ABHD12: variants seen among roughly 807,000 people sequenced by gnomAD.
ABHD12 encodes the protein abhydrolase domain containing 12, lysophospholipase.
In ABHD12, 43 loss-of-function variants were observed where a neutral mutation model predicts 58.3. The observed-to-expected ratio is 0.74, with a 90% CI of 0.58 to 0.95. The LOEUF (loss-of-function observed/expected upper bound fraction) is 0.95. Among genes scored for constraint, ABHD12 ranks in the 40% least tolerant of loss-of-function variants. ABHD12 has a pLI of 0.00. For synonymous variants in ABHD12, 219 were observed against 211.2 expected (o/e 1.04, Z -0.32); for missense variants, 539 against 537.2 (o/e 1.00, Z -0.03).
intron 2 of ABHD12, among the ~76,000 whole-genome samples, chr20:25,331,376 ACT>A (rs1813815936): frequency 6.6e-6 from 1 of 152,184 alleles, no homozygotes; most frequent in South Asian, 2.1e-4. Flanking sequence ...GTTGGAAAAC[ACT>A]CTGCAGGATA....
chr20:25,381,496 C>T lies in ABHD12; in HGVS notation c.191+9017G>A, dbSNP rs146276687. On this transcript the variant is annotated intron_variant, in intron 1 of 12. Coordinates refer to ENST00000339157, the MANE Select transcript of ABHD12 (RefSeq NM_001042472.3). The stretch of plus-strand genomic sequence containing the variant: ...CTACAAATGCTCTAATACCAACAGA[C>T]ACATTAACTGATCAGGATGGACCCT... Among the ~76,000 whole-genome samples the T allele has an allele frequency of 1.8e-3, 273 of 152,262 alleles. 1 individual carries two copies. Among genetic ancestry groups the T allele is most frequent in the African/African-American group, 6.4e-3 (265 of 41,526 alleles).
At chr20:25,349,937 T>C (rs1286101879) in intron 1 of ABHD12, among the ~76,000 whole-genome samples, 1 of 152,118 alleles carries the variant, frequency 6.6e-6, no homozygotes, top group Non-Finnish European at 1.5e-5. Context: ...AAAAATGAAA[T>C]CTAGGGAACA....
chr20:25,318,914 C>G lies in ABHD12; in HGVS notation c.542+1285G>C, dbSNP rs2089014537. ...GAAACCGCTTCACGGGCCATGCCGC[C>G]AGGCTCTTTCAGCAATGCTCTCTGC... On this transcript the variant is annotated intron_variant, in intron 4 of 12. Coordinates refer to ENST00000339157, the MANE Select transcript of ABHD12 (RefSeq NM_001042472.3). Among the ~76,000 whole-genome samples the G allele has an allele frequency of 2.6e-5, 4 of 152,328 alleles. No homozygotes were observed. The South Asian group carries it at 8.3e-4, about 32-fold the overall frequency.
At chr20:25,374,576 C>A (rs890522109) in intron 1 of ABHD12, among the ~76,000 whole-genome samples, 5 of 152,156 alleles carry the variant, frequency 3.3e-5, no homozygotes. Context: ...TCACTGCAAC[C>A]TCCGCCTCCC....
chr20:25,323,537 G>A, intron 2 of ABHD12, 107 bp from the exon 3 acceptor site: 6 of 752,408 alleles, frequency 8.0e-6, no homozygotes, highest in Non-Finnish European at 1.5e-5. Context: ...ATCCACACGT[G>A]CACACACACA....
intron 1 of ABHD12, among the ~76,000 whole-genome samples, chr20:25,386,838 G>T (rs2090097948): frequency 1.3e-5 from 2 of 151,938 alleles, no homozygotes; most frequent in Non-Finnish European, 2.9e-5. Flanking sequence ...CCGAGATCGT[G>T]CCACTGCACT....
At chr20:25,295,881 T>TGGCCAAGAAA (rs1037645696), downstream of ABHD12, among the ~76,000 whole-genome samples, 1 of 152,190 alleles carries the variant, frequency 6.6e-6, no homozygotes, top group African/African-American at 2.4e-5. Context: ...CAGCTCCTAA[T>TGGCCAAGAAA]GGCCAAGAAA....
At chr20:25,371,769 G>C (rs979755057) in intron 1 of ABHD12, among the ~76,000 whole-genome samples, 3 of 152,076 alleles carry the variant, frequency 2.0e-5, no homozygotes, top group Admixed American at 6.5e-5. Context: ...AGCTGGTCTC[G>C]AACTCCTTGG....
chr20:25,347,409 C>T (rs2089533961), intron 1 of ABHD12, among the ~76,000 whole-genome samples: 1 of 152,098 alleles, frequency 6.6e-6, no homozygotes, highest in Non-Finnish European at 1.5e-5. Context: ...TCTCTCTCAT[C>T]CTGTGAGTTT....
chr20:25,378,963 T>C (rs1041347084), intron 1 of ABHD12, among the ~76,000 whole-genome samples: 3 of 152,046 alleles, frequency 2.0e-5, no homozygotes, highest in African/African-American at 7.3e-5. Flanking sequence ...ACAACTACCA[T>C]ATGAAGATTA....
Position 25,309,585 on chromosome 20 carries a change from A to G in ABHD12, c.620-10T>C. 2 of 1,613,924 alleles carry G rather than the reference A, an allele frequency of 1.2e-6. No homozygotes were observed. Among genetic ancestry groups the G allele is most frequent in the Non-Finnish European group, 1.7e-6 (2 of 1,179,900 alleles). ...ACTGAGTCACCCCAACCTGGGAGGG[A>G]GAAACGGCAGGACGGGGAGGTCAAA... On this transcript the variant is annotated splice_polypyrimidine_tract_variant and intron_variant, in intron 6 of 12. Transcript: ENST00000339157.
chr20:25,348,830 C>A (rs572111037), intron 1 of ABHD12, among the ~76,000 whole-genome samples: 7 of 152,156 alleles, frequency 4.6e-5, no homozygotes, highest in African/African-American at 1.7e-4. Context: ...CGTCTGTAAT[C>A]CCAGCACTTT....
chr20:25,370,849 CTTTT>C (rs201094435), intron 1 of ABHD12, among the ~76,000 whole-genome samples: 12 of 139,420 alleles, frequency 8.6e-5, no homozygotes, highest in South Asian at 2.3e-4. Context: ...CCTTTATTGA[CTTTT>C]TTTTTTTTTT....
downstream of ABHD12, chr20:25,296,227 T>C: frequency 9.9e-7 from 1 of 1,007,158 alleles, no homozygotes; most frequent in Non-Finnish European, 1.5e-6. Flanking sequence ...AACGAACAAG[T>C]GATTGTAATG....
intron 2 of ABHD12, among the ~76,000 whole-genome samples, chr20:25,334,071 C>A (rs1272188772): frequency 6.6e-6 from 1 of 151,970 alleles, no homozygotes; most frequent in Non-Finnish European, 1.5e-5. Flanking sequence ...ATTGTCTCAG[C>A]CCAAAATCTC....
At chr20:25,306,971 G>T in intron 9 of ABHD12, 56 bp from the exon 10 acceptor site, 1 of 1,281,922 alleles carries the variant, frequency 7.8e-7, no homozygotes, top group Non-Finnish European at 1.1e-6. Flanking sequence ...TCCAGGCACA[G>T]GTCAAGGGTG....
rs2088614474 is a variant in ABHD12 at position 25,300,453 on chromosome 20, C to T, written c.*392G>A. ...AGGTGCAGAAAGAACCTGGACCCCA[C>T]GTTCTCTGTGGGTGGTGCCAAAAAG... is the stretch of plus-strand genomic sequence containing the variant. On this transcript the variant is annotated 3_prime_UTR_variant, in exon 13 of 13. Coordinates refer to ENST00000339157, the MANE Select transcript of ABHD12 (RefSeq NM_001042472.3). 7 of 1,200,394 alleles carry T rather than the reference C, an allele frequency of 5.8e-6. No homozygotes were observed. The highest frequency in any genetic ancestry group is 3.6e-5 in the South Asian group (2 of 56,010). The allele number at this position is 1,200,394 out of a possible 1,614,324, so 74.4% of individuals were successfully genotyped here. A position where few individuals can be genotyped will look rare whatever the true frequency, so the allele number is the denominator to read the frequency against.
At chr20:25,385,943 T>C (rs1198273280) in intron 1 of ABHD12, among the ~76,000 whole-genome samples, 2 of 150,986 alleles carry the variant, frequency 1.3e-5, no homozygotes, top group Admixed American at 6.6e-5. Flanking sequence ...CTAAAAAAAA[T>C]ACAAAAAATT....
intron 1 of ABHD12, among the ~76,000 whole-genome samples, chr20:25,343,010 G>T (rs2089474884): frequency 6.6e-6 from 1 of 152,076 alleles, no homozygotes; most frequent in Non-Finnish European, 1.5e-5. Context: ...GCCCAGGCTG[G>T]TCTCAAACTC....
Sources: allele counts gnomAD v4.1 joint callset (sites outside exome capture counted in the v4.1 genomes callset), GRCh38; gene constraint gnomAD v4.1.1; transcripts MANE v1.5; gene names NCBI Gene and HGNC (gene_info 2026-07-23, HGNC 2026-07-21).